LARGE1: variants seen among roughly 807,000 people sequenced by gnomAD.
LARGE1 encodes the protein xylosyl- and glucuronyltransferase LARGE1.
In LARGE1, 43 loss-of-function variants were observed where a neutral mutation model predicts 87.6. The ratio of observed to expected loss-of-function variants is 0.49; its 90% confidence interval spans 0.38 to 0.63. The LOEUF (loss-of-function observed/expected upper bound fraction) is 0.63. LARGE1 is among the 30% of genes least tolerant of loss of function. The pLI, the probability that LARGE1 is intolerant of heterozygous loss-of-function variation, is 0.00. For synonymous variants in LARGE1, 434 were observed against 394.6 expected (o/e 1.10, Z -1.18); for missense variants, 802 against 1,000.2 (o/e 0.80, Z 2.67).
chr22:33,709,571 T>A lies in LARGE1; in HGVS notation c.106+51800A>T, dbSNP rs959113549. ...ATAACTCATTCTCCTCTATTCAGGG[T>A]GGTCCAGGTGGCGTGGTTGTTTAGA... On this transcript the variant is annotated intron_variant, in intron 2 of 14. Transcript: ENST00000397394. 1.3e-4 allele frequency among the ~76,000 whole-genome samples: 19 copies of A among 151,976 alleles called. 2 individuals are homozygous for A. Among genetic ancestry groups the A allele is most frequent in the Admixed American group, 1.2e-3 (18 of 15,260 alleles).
At chr22:33,455,276 C>T (rs184010577) in intron 6 of LARGE1, among the ~76,000 whole-genome samples, 1 of 152,338 alleles carries the variant, frequency 6.6e-6, no homozygotes, top group East Asian at 1.9e-4. Context: ...TGTCCACACA[C>T]TGCTGTTTCC....
At chr22:33,502,933 T>C (rs2070548061) in intron 6 of LARGE1, among the ~76,000 whole-genome samples, 1 of 152,162 alleles carries the variant, frequency 6.6e-6, no homozygotes. Context: ...TTACACATCA[T>C]ATCTCATTGA....
chr22:33,857,505 A>T (rs2063788997), intron 1 of LARGE1, among the ~76,000 whole-genome samples: 1 of 152,260 alleles, frequency 6.6e-6, no homozygotes, highest in Non-Finnish European at 1.5e-5. Context: ...ACACTTACTT[A>T]AATATTTCTT....
At chr22:33,272,343 G>C (rs1310174980), downstream of LARGE1, among the ~76,000 whole-genome samples, 1 of 152,174 alleles carries the variant, frequency 6.6e-6, no homozygotes, top group African/African-American at 2.4e-5. Context: ...ACAGGGGAGA[G>C]AGAAAGTCAA....
chr22:33,852,186 T>C (rs749002380), intron 1 of LARGE1, among the ~76,000 whole-genome samples: 1 of 152,186 alleles, frequency 6.6e-6, no homozygotes, highest in Non-Finnish European at 1.5e-5. Flanking sequence ...GTATTTACTT[T>C]GTACTTTTTA....
intron 2 of LARGE1, among the ~76,000 whole-genome samples, chr22:33,717,606 G>A (rs1415966647): frequency 6.6e-6 from 1 of 152,066 alleles, no homozygotes; most frequent in Non-Finnish European, 1.5e-5. Context: ...TGGAATCGAG[G>A]GCTTGAAGCC....
At chr22:33,596,526 C>A (rs569848491) in intron 5 of LARGE1, among the ~76,000 whole-genome samples, 5 of 152,224 alleles carry the variant, frequency 3.3e-5, no homozygotes, top group African/African-American at 1.2e-4. Flanking sequence ...TCCAGACCTG[C>A]GCATAATATT....
At chr22:33,606,727 G>A (rs1417194137) in intron 4 of LARGE1, among the ~76,000 whole-genome samples, 1 of 152,102 alleles carries the variant, frequency 6.6e-6, no homozygotes, top group African/African-American at 2.4e-5. Flanking sequence ...GGGACACAGT[G>A]GTGAGTCAGA....
chr22:33,810,770 C>A (rs1441659613), intron 1 of LARGE1, among the ~76,000 whole-genome samples: 1 of 151,270 alleles, frequency 6.6e-6, no homozygotes, highest in Non-Finnish European at 1.5e-5. Flanking sequence ...GTTGCCCAGG[C>A]TGGACTGCAA....
At chr22:33,755,421 G>A (rs1218320327) in intron 2 of LARGE1, among the ~76,000 whole-genome samples, 4 of 152,190 alleles carry the variant, frequency 2.6e-5, no homozygotes, top group Non-Finnish European at 5.9e-5. Context: ...TCAGAGGGCA[G>A]CATGTGTGAA....
intron 1 of LARGE1, among the ~76,000 whole-genome samples, chr22:33,875,676 G>A (rs2064441338): frequency 6.6e-6 from 1 of 152,242 alleles, no homozygotes; most frequent in South Asian, 2.1e-4. Flanking sequence ...GCAGCACAGG[G>A]CATTTTCACT....
chr22:33,773,900 G>A (rs1026474015), intron 1 of LARGE1, among the ~76,000 whole-genome samples: 1 of 152,204 alleles, frequency 6.6e-6, no homozygotes, highest in Non-Finnish European at 1.5e-5. Flanking sequence ...GACTATAGCT[G>A]TTCGACCAAT....
chr22:33,261,875 C>T (rs1188004709), intron 11 of LARGE1, among the ~76,000 whole-genome samples: 1 of 152,214 alleles, frequency 6.6e-6, no homozygotes, highest in Non-Finnish European at 1.5e-5. Flanking sequence ...GATGTTTGCT[C>T]TCAGCTCTTA....
chr22:33,718,799 A>G (rs2082988879), intron 2 of LARGE1, among the ~76,000 whole-genome samples: 1 of 152,186 alleles, frequency 6.6e-6, no homozygotes, highest in Admixed American at 6.5e-5. Flanking sequence ...TTTTTCTGAG[A>G]TGGAGTCTCG....
chr22:33,631,242 A>T (rs989134721), intron 3 of LARGE1, among the ~76,000 whole-genome samples: 3 of 152,048 alleles, frequency 2.0e-5, no homozygotes, highest in Non-Finnish European at 4.4e-5. Context: ...ATCACAGAAC[A>T]CGACAGCCTC....
intron 6 of LARGE1, among the ~76,000 whole-genome samples, chr22:33,507,634 G>C (rs913038909): frequency 1.3e-5 from 2 of 152,176 alleles, no homozygotes; most frequent in African/African-American, 4.8e-5. Flanking sequence ...GATGGATGGT[G>C]GCGATGGTTG....
chr22:33,868,130 C>T (rs1225497800), intron 1 of LARGE1, among the ~76,000 whole-genome samples: 2 of 152,196 alleles, frequency 1.3e-5, no homozygotes, highest in African/African-American at 4.8e-5. Flanking sequence ...GCAACCTCGT[C>T]CATCTGCATA....
chr22:33,580,125 C>T (rs1480816740), intron 5 of LARGE1, among the ~76,000 whole-genome samples: 1 of 151,976 alleles, frequency 6.6e-6, no homozygotes, highest in Non-Finnish European at 1.5e-5. Context: ...AATTCCAACA[C>T]TTTGGGAGGC....
chr22:33,378,059 C>T (rs1328529281), intron 9 of LARGE1, among the ~76,000 whole-genome samples: 5 of 152,072 alleles, frequency 3.3e-5, no homozygotes, highest in Non-Finnish European at 7.4e-5. Context: ...TCAGTTTTTG[C>T]ACTTTCTCAG....
Sources: gnomAD v4.1 joint callset for allele counts (sites outside exome capture counted in the v4.1 genomes callset) on GRCh38, gnomAD v4.1.1 for gene constraint, MANE v1.5 for transcripts, NCBI Gene and HGNC (gene_info 2026-07-23, HGNC 2026-07-21) for gene names.